Variants in SPATS2 observed in about 807,000 individuals in gnomAD.
SPATS2 encodes spermatogenesis-associated serine-rich protein 2.
SPATS2 carries 38 observed loss-of-function variants against 63.7 expected under a neutral mutation model. The observed-to-expected ratio is 0.60, with a 90% CI of 0.46 to 0.78. The LOEUF (loss-of-function observed/expected upper bound fraction) is 0.78. SPATS2 is among the 30% of genes least tolerant of loss of function. SPATS2 has a pLI of 0.00. For missense variants in SPATS2, 588 were observed against 666.2 expected (o/e 0.88, Z 1.29); for synonymous variants, 207 against 232.9 (o/e 0.89, Z 1.01).
chr12:49,417,633 G>A (rs1049989038), intron 2 of SPATS2, among the ~76,000 whole-genome samples: 2 of 152,052 alleles, frequency 1.3e-5, no homozygotes, highest in Non-Finnish European at 2.9e-5. Context: ...TCTTCTTCCC[G>A]TTTTGCTGTT....
At chr12:49,441,611 A>G (rs1426999341) in intron 2 of SPATS2, 1 of 151,976 alleles carries the variant, frequency 6.6e-6, no homozygotes, top group Non-Finnish European at 1.5e-5. Flanking sequence ...TTTTTCTTTC[A>G]TAGTTGAGAT....
intron 2 of SPATS2, among the ~76,000 whole-genome samples, chr12:49,453,240 A>G (rs1348607812): frequency 6.6e-6 from 1 of 151,386 alleles, no homozygotes; most frequent in East Asian, 1.9e-4. Context: ...TTCCAACTCC[A>G]TGTGGTTGTT....
chr12:49,404,044 G>A (rs1051980698), intron 2 of SPATS2, among the ~76,000 whole-genome samples: 1 of 152,300 alleles, frequency 6.6e-6, no homozygotes, highest in Admixed American at 6.5e-5. Flanking sequence ...CACCTGCTGT[G>A]TGCCAGGCAC....
intron 2 of SPATS2, among the ~76,000 whole-genome samples, chr12:49,400,672 G>A (rs569472168): frequency 8.1e-4 from 124 of 152,216 alleles, no homozygotes; most frequent in Admixed American, 2.1e-3. Context: ...TGGAAGGGCA[G>A]CAACTAGGAG....
chr12:49,399,646 A>G (rs1944571002), intron 2 of SPATS2, among the ~76,000 whole-genome samples: 1 of 152,234 alleles, frequency 6.6e-6, no homozygotes, highest in Non-Finnish European at 1.5e-5. Flanking sequence ...ATTCTAATTA[A>G]AAGTTGTTTC....
chr12:49,522,210 A>G (rs1363184406), intron 11 of SPATS2, among the ~76,000 whole-genome samples: 1 of 146,578 alleles, frequency 6.8e-6, no homozygotes, highest in African/African-American at 2.7e-5. Flanking sequence ...CTTGCAGCAT[A>G]AACTTCTCAT....
At chr12:49,495,598 G>A (rs1946452227) in intron 7 of SPATS2, among the ~76,000 whole-genome samples, 1 of 152,126 alleles carries the variant, frequency 6.6e-6, no homozygotes, top group African/African-American at 2.4e-5. Context: ...TTGGAACGCT[G>A]AGCATGTGGG....
chr12:49,445,413 A>T lies in SPATS2; in HGVS notation c.-243-15357A>T, dbSNP rs181300063. On this transcript the variant is annotated intron_variant, in intron 2 of 13. Coordinates refer to ENST00000552918, the MANE Select transcript of SPATS2 (RefSeq NM_023071.4). ...TTAATTGGTTTTTGCATGTTAAGCC[A>T]ATCTTCCATTCCTGGAATAAGTCCC... Among the ~76,000 whole-genome samples the T allele has an allele frequency of 1.2e-4, 19 of 152,304 alleles. No individual in the cohort carries two copies. In the East Asian group the frequency reaches 2.7e-3, roughly 22 times the overall value.
intron 9 of SPATS2, among the ~76,000 whole-genome samples, chr12:49,510,750 A>T (rs1264965828): frequency 2.0e-5 from 3 of 152,134 alleles, no homozygotes; most frequent in Non-Finnish European, 4.4e-5. Flanking sequence ...ATAATTAACA[A>T]TTTTTTGGTA....
chr12:49,416,990 T>G (rs1028460243), intron 2 of SPATS2, among the ~76,000 whole-genome samples: 13 of 152,184 alleles, frequency 8.5e-5, no homozygotes, highest in African/African-American at 3.1e-4. Flanking sequence ...TTCTCTTCCC[T>G]TTTTCACTAG....
chr12:49,503,654 AAAAAAAG>A (rs1243158718), intron 9 of SPATS2, among the ~76,000 whole-genome samples: 1 of 151,860 alleles, frequency 6.6e-6, no homozygotes, highest in Non-Finnish European at 1.5e-5. Flanking sequence ...ATCTCAAAAA[AAAAAAAG>A]AAAAAAGAAA....
chr12:49,522,705 G>A (rs760642672), intron 11 of SPATS2, 46 bp from the exon 12 acceptor site: 7 of 1,451,110 alleles, frequency 4.8e-6, no homozygotes, highest in Non-Finnish European at 6.7e-6. Flanking sequence ...AGATTCCATG[G>A]ATGTTGTTTG....
Position 49,375,288 on chromosome 12 carries a change from GGATA to G in SPATS2, c.-244+4003_-244+4006del, listed in dbSNP as rs377672415. 6.6e-5 allele frequency among the ~76,000 whole-genome samples: 10 copies of G among 151,996 alleles called. No homozygotes were observed. The South Asian group carries it at 1.0e-3, about 16-fold the overall frequency. ...CCATTATATGATTGTGAATGAGCCA[GGATA>G]GATAAGTAAATATCTTTTGTACTTG... On this transcript the variant is annotated intron_variant, in intron 2 of 13. Coordinates refer to ENST00000552918, the MANE Select transcript of SPATS2 (RefSeq NM_023071.4).
chr12:49,486,264 G>T (rs935999097), intron 4 of SPATS2: 1 of 451,010 alleles, frequency 2.2e-6, no homozygotes, highest in Admixed American at 2.4e-5. Flanking sequence ...GAGTGCAGTG[G>T]CGTGATCTCA....
chr12:49,387,870 G>C (rs11609699), intron 2 of SPATS2, among the ~76,000 whole-genome samples: 14,003 of 152,080 alleles, frequency 0.092, 754 homozygotes, highest in African/African-American at 0.14. Flanking sequence ...GTATCTTACT[G>C]CAGGTGTAAG....
Position 49,500,134 on chromosome 12 carries a change from A to C in SPATS2, c.768A>C (p.Arg256=). The change falls in exon 9 of 14, where the codon CGA becomes CGC. Residue 256 remains arginine (R), a synonymous_variant. Transcript: ENST00000552918. ...GCACAGTGTCTCTTGCACGGTATCG[A>C]GTTGTAGTTAAAGAAGAGATGGATG... ...QRCTVSLARY[R]VVVKEEMDAS... is the part of the protein sequence containing the mutation. The C allele has an allele frequency of 6.2e-7, 1 of 1,611,938 alleles. No individual in the cohort carries two copies. Among genetic ancestry groups the C allele is most frequent in the Non-Finnish European group, 8.5e-7 (1 of 1,179,212 alleles).
chr12:49,500,500 C>T (rs749631028), intron 9 of SPATS2, among the ~76,000 whole-genome samples: 8 of 152,114 alleles, frequency 5.3e-5, no homozygotes, highest in Admixed American at 2.0e-4. Flanking sequence ...TAGGCCGGTG[C>T]GGTGGCTCAA....
chr12:49,379,172 G>A (rs996367647), intron 2 of SPATS2, among the ~76,000 whole-genome samples: 7 of 147,872 alleles, frequency 4.7e-5, no homozygotes, highest in Middle Eastern at 3.8e-3. Context: ...CACCCACCTC[G>A]GCCTCCCAAA....
intron 2 of SPATS2, among the ~76,000 whole-genome samples, chr12:49,373,550 G>C (rs1691879040): frequency 6.6e-6 from 1 of 152,100 alleles, no homozygotes; most frequent in South Asian, 2.1e-4. Context: ...CTAGCACTTT[G>C]AGAGTCCAAG....
Sources: gnomAD v4.1 joint callset for allele counts (sites outside exome capture counted in the v4.1 genomes callset) on GRCh38, gnomAD v4.1.1 for gene constraint, MANE v1.5 for transcripts, NCBI Gene and HGNC (gene_info 2026-07-23, HGNC 2026-07-21) for gene names.